The following SLC26A8 variants were observed in gnomAD, a reference collection of about 807,000 sequenced individuals.
The protein encoded by SLC26A8 is testis anion transporter 1.
SLC26A8 carries 70 observed loss-of-function variants against 105.0 expected under a neutral mutation model. The observed-to-expected ratio is 0.67, with a 90% CI of 0.55 to 0.81. The LOEUF (loss-of-function observed/expected upper bound fraction) is 0.81, where lower values mean the gene tolerates loss of function less well. Among genes scored for constraint, SLC26A8 ranks in the 40% least tolerant of loss-of-function variants. The pLI is 0.00. For synonymous variants in SLC26A8, 415 were observed against 438.3 expected, an observed-to-expected ratio of 0.95 and a Z score of 0.66; for missense variants, 998 against 1,181.8, an observed-to-expected ratio of 0.84 and a Z score of 2.28.
intron 11 of SLC26A8, among the ~76,000 whole-genome samples, chr6:35,963,090 G>T (rs1435613793): frequency 6.6e-6 from 1 of 152,158 alleles, no homozygotes; most frequent in Non-Finnish European, 1.5e-5. Flanking sequence ...TTAGATTCAG[G>T]TAGTTCATTA....
intron 8 of SLC26A8, among the ~76,000 whole-genome samples, chr6:35,977,879 G>A (rs901016586): frequency 6.6e-6 from 1 of 152,084 alleles, no homozygotes; most frequent in African/African-American, 2.4e-5. Context: ...GAGGTCAGGA[G>A]TTCGAGATCA....
chr6:36,007,846 C>A (rs1429813844), intron 3 of SLC26A8, among the ~76,000 whole-genome samples: 1 of 152,090 alleles, frequency 6.6e-6, no homozygotes, highest in African/African-American at 2.4e-5. Context: ...TGAGGCTGGG[C>A]GCGGTGGCTC....
At chr6:35,983,697 G>A (rs1023197824) in intron 7 of SLC26A8, among the ~76,000 whole-genome samples, 3 of 152,060 alleles carry the variant, frequency 2.0e-5, no homozygotes, top group African/African-American at 7.2e-5. Flanking sequence ...GATTACAGGC[G>A]TGTGCCACCA....
At chr6:35,957,656 G>T (rs1304020407) in intron 16 of SLC26A8, among the ~76,000 whole-genome samples, 1 of 149,028 alleles carries the variant, frequency 6.7e-6, no homozygotes, top group East Asian at 2.0e-4. Flanking sequence ...GCCCAGGCTA[G>T]AGTGCAGTGG....
chr6:35,991,584 C>A, intron 7 of SLC26A8, 75 bp downstream of exon 7: 1 of 1,223,274 alleles, frequency 8.2e-7, no homozygotes, highest in Non-Finnish European at 1.1e-6. Context: ...TCAGCTTTTA[C>A]ACAATTCAAC....
chr6:35,967,067 G>A (rs1381662848), intron 11 of SLC26A8, among the ~76,000 whole-genome samples: 2 of 152,214 alleles, frequency 1.3e-5, no homozygotes, highest in Non-Finnish European at 2.9e-5. Flanking sequence ...AGGTGCTGTA[G>A]AAACTGAATT....
intron 5 of SLC26A8, among the ~76,000 whole-genome samples, chr6:35,995,895 T>G (rs1761338458): frequency 6.6e-6 from 1 of 152,178 alleles, no homozygotes; most frequent in Non-Finnish European, 1.5e-5. Flanking sequence ...AAAAGGTTGC[T>G]TGTGTATTTT....
intron 3 of SLC26A8, among the ~76,000 whole-genome samples, chr6:36,002,358 T>C (rs1248336071): frequency 6.6e-6 from 1 of 152,176 alleles, no homozygotes; most frequent in African/African-American, 2.4e-5. Context: ...TGTCTCCTGG[T>C]ACATGGATTT....
rs938178191 is a variant in SLC26A8 at position 36,024,526 on chromosome 6, A to G, written c.-25T>C. ...CACCTGGCTCCTTGGCGGGGGCGGG[A>G]GTGCGGGCGCTGGGATCCCACACGG... On this transcript the variant is annotated 5_prime_UTR_variant, in exon 1 of 20. Coordinates refer to ENST00000490799, the MANE Select transcript of SLC26A8 (RefSeq NM_052961.4). The G allele has an allele frequency of 1.9e-5, 8 of 430,282 alleles. No individual in the cohort carries two copies. Among genetic ancestry groups the G allele is most frequent in the African/African-American group, 4.2e-5 (2 of 47,950 alleles). 26.7% of individuals were successfully genotyped at this position (430,282 alleles called of 1,614,324 possible).
chr6:35,983,915 C>T (rs1773382866), intron 7 of SLC26A8, among the ~76,000 whole-genome samples: 1 of 152,164 alleles, frequency 6.6e-6, no homozygotes, highest in Non-Finnish European at 1.5e-5. Flanking sequence ...CACATCTAAA[C>T]ATTAGTAATT....
chr6:35,956,134 G>T (rs1445615893), intron 16 of SLC26A8, among the ~76,000 whole-genome samples: 6 of 152,240 alleles, frequency 3.9e-5, no homozygotes, highest in African/African-American at 1.4e-4. Context: ...GCGTGTCAGT[G>T]AGCCTGTAGC....
At chr6:35,980,320 G>A (rs1581658219) in intron 8 of SLC26A8, among the ~76,000 whole-genome samples, 1 of 152,190 alleles carries the variant, frequency 6.6e-6, no homozygotes, top group South Asian at 2.1e-4. Context: ...TATTGTGTAA[G>A]TATAACAGAG....
chr6:35,990,976 G>A (rs1180598975), intron 7 of SLC26A8, among the ~76,000 whole-genome samples: 1 of 152,200 alleles, frequency 6.6e-6, no homozygotes, highest in South Asian at 2.1e-4. Flanking sequence ...AGCATTGTGT[G>A]AGGGAGATCT....
intron 2 of SLC26A8, among the ~76,000 whole-genome samples, chr6:36,018,769 C>A (rs1228592401): frequency 6.6e-6 from 1 of 152,130 alleles, no homozygotes; most frequent in Non-Finnish European, 1.5e-5. Context: ...AGGGTAAGAG[C>A]CCCTGAACTG....
chr6:36,004,980 A>T (rs893628375), intron 3 of SLC26A8, among the ~76,000 whole-genome samples: 1 of 151,944 alleles, frequency 6.6e-6, no homozygotes. Context: ...TTTACTCTTG[A>T]AAAGCAGCGT....
At chr6:35,957,624 G>T (rs550479893) in intron 16 of SLC26A8, among the ~76,000 whole-genome samples, 2,757 of 97,444 alleles carry the variant, frequency 0.028, 97 homozygotes, top group African/African-American at 0.097. Flanking sequence ...TTTTTTTTTT[G>T]AGATGGAGTT....
rs556589591 is a variant in SLC26A8 at position 36,021,323 on chromosome 6, T to TC, written c.-2-1615dup. Among the ~76,000 whole-genome samples, 348 of 151,206 alleles carry TC rather than the reference T, an allele frequency of 2.3e-3. 2 individuals are homozygous for TC. The highest frequency in any genetic ancestry group is 6.1e-3 in the African/African-American group (253 of 41,180). On this transcript the variant is annotated intron_variant, in intron 1 of 19. Coordinates refer to ENST00000490799, the MANE Select transcript of SLC26A8 (RefSeq NM_052961.4). Reference sequence around the variant, plus strand: ...GAACTGTATATTGAAATGTAAGGAATCCCCCCCCACCTTTCTTTCCCCACC... The same window carrying TC: ...GAACTGTATATTGAAATGTAAGGAATCCCCCCCCCACCTTTCTTTCCCCACC...
intron 2 of SLC26A8, among the ~76,000 whole-genome samples, chr6:36,016,886 T>C (rs1397256438): frequency 1.3e-5 from 2 of 152,046 alleles, no homozygotes; most frequent in African/African-American, 4.8e-5. Context: ...ATATGCATGA[T>C]CTTGGCCCAG....
chr6:36,000,027 T>A lies in SLC26A8; in HGVS notation c.410A>T (p.Tyr137Phe). ...TTGATGACACGATCCAAAAATTACA[T>A]AGATTACCGAAGAACAGAAAGCTGC... ...AYAAFCSSVI[Y>F]VIFGSCHQMS... Residue 137 changes from tyrosine to phenylalanine, a missense_variant, in exon 4 of 20, where the codon TAT becomes TTT. Transcript: ENST00000490799. 6.2e-7 allele frequency: 1 copy of A among 1,614,012 alleles called. No individual in the cohort carries two copies. Among genetic ancestry groups the A allele is most frequent in the Non-Finnish European group, 8.5e-7 (1 of 1,179,950 alleles).
Sources: allele counts gnomAD v4.1 joint callset (sites outside exome capture counted in the v4.1 genomes callset), GRCh38; gene constraint gnomAD v4.1.1; transcripts MANE v1.5; gene names NCBI Gene and HGNC (gene_info 2026-07-23, HGNC 2026-07-21).